The following SETBP1 variants were observed in gnomAD, a reference collection of about 807,000 sequenced individuals.
The protein encoded by SETBP1 is SET-binding protein.
A neutral mutation model predicts 101.0 loss-of-function variants in SETBP1; 9 were observed. The ratio of observed to expected loss-of-function variants is 0.09; its 90% confidence interval spans 0.05 to 0.16. The LOEUF (loss-of-function observed/expected upper bound fraction) is 0.16, where lower values mean the gene tolerates loss of function less well. SETBP1 is among the 10% of genes least tolerant of loss of function. The probability of loss-of-function intolerance (pLI) is 1.00; values close to 1 mark genes in which losing one functional copy is unlikely to be tolerated. For missense variants in SETBP1, 1,858 were observed against 2,033.8 expected (o/e 0.91, Z 1.66); for synonymous variants, 818 against 788.5 (o/e 1.04, Z -0.63).
chr18:45,042,748 C>T (rs959731950), intron 5 of SETBP1, among the ~76,000 whole-genome samples: 5 of 152,076 alleles, frequency 3.3e-5, no homozygotes, highest in Admixed American at 2.6e-4. Context: ...ATGATTATGA[C>T]ATTATTGATT....
intron 4 of SETBP1, among the ~76,000 whole-genome samples, chr18:45,024,115 C>T (rs971034577): frequency 1.3e-5 from 2 of 152,118 alleles, no homozygotes; most frequent in African/African-American, 4.8e-5. Context: ...CTTTGCTTTA[C>T]TCTCCTCCTC....
At chr18:44,792,329 T>C (rs2071387298) in intron 2 of SETBP1, among the ~76,000 whole-genome samples, 1 of 152,170 alleles carries the variant, frequency 6.6e-6, no homozygotes, top group African/African-American at 2.4e-5. Flanking sequence ...TGTCTGTGTA[T>C]GTTCCAGATG....
chr18:44,867,653 C>A (rs1384871964), intron 2 of SETBP1, among the ~76,000 whole-genome samples: 1 of 151,886 alleles, frequency 6.6e-6, no homozygotes, highest in Non-Finnish European at 1.5e-5. Flanking sequence ...TCAGAGGGGT[C>A]AAACCAGCTC....
At chr18:44,829,282 T>C (rs1355121399) in intron 2 of SETBP1, among the ~76,000 whole-genome samples, 2 of 152,218 alleles carry the variant, frequency 1.3e-5, no homozygotes, top group Non-Finnish European at 2.9e-5. Context: ...GCTCAGAACA[T>C]CGTATACATG....
At chr18:44,928,163 G>A (rs939465877) in intron 3 of SETBP1, among the ~76,000 whole-genome samples, 1 of 152,084 alleles carries the variant, frequency 6.6e-6, no homozygotes, top group Non-Finnish European at 1.5e-5. Context: ...CCCACCTATG[G>A]GGGAGAACAT....
chr18:44,981,409 T>A (rs533040578), intron 4 of SETBP1, among the ~76,000 whole-genome samples: 1 of 152,330 alleles, frequency 6.6e-6, no homozygotes, highest in South Asian at 2.1e-4. Flanking sequence ...ATGCTTACAG[T>A]CACCTTGTAT....
intron 3 of SETBP1, among the ~76,000 whole-genome samples, chr18:44,907,413 T>G (rs1489711898): frequency 6.6e-6 from 1 of 152,190 alleles, no homozygotes; most frequent in Non-Finnish European, 1.5e-5. Flanking sequence ...ACACTTAACT[T>G]TTTGAAAAAA....
At chr18:44,820,320 A>G (rs1479200423) in intron 2 of SETBP1, among the ~76,000 whole-genome samples, 1 of 152,202 alleles carries the variant, frequency 6.6e-6, no homozygotes. Context: ...CTGGGGGAGG[A>G]CACCAGAATG....
At chr18:44,909,543 G>A (rs1366271729) in intron 3 of SETBP1, among the ~76,000 whole-genome samples, 1 of 152,190 alleles carries the variant, frequency 6.6e-6, no homozygotes, top group African/African-American at 2.4e-5. Flanking sequence ...TAGGCTCAGA[G>A]TAGTCTAAAG....
chr18:44,928,799 T>C (rs2070760039), intron 3 of SETBP1, among the ~76,000 whole-genome samples: 1 of 152,244 alleles, frequency 6.6e-6, no homozygotes, highest in African/African-American at 2.4e-5. Flanking sequence ...CTTGTAAATT[T>C]GTTTAAGTTC....
At chr18:44,884,658 GA>G (rs1435324078) in intron 3 of SETBP1, among the ~76,000 whole-genome samples, 1 of 152,190 alleles carries the variant, frequency 6.6e-6, no homozygotes, top group Non-Finnish European at 1.5e-5. Flanking sequence ...TGCCATCAGG[GA>G]AATAGTTTTG....
intron 4 of SETBP1, among the ~76,000 whole-genome samples, chr18:44,992,853 G>GA (rs1484061092): frequency 1.3e-5 from 2 of 151,686 alleles, no homozygotes. Context: ...CACAGAATGA[G>GA]AAAAAAGAAA....
intron 3 of SETBP1, among the ~76,000 whole-genome samples, chr18:44,891,119 G>A (rs1410953094): frequency 6.6e-6 from 1 of 152,134 alleles, no homozygotes; most frequent in South Asian, 2.1e-4. Flanking sequence ...GATAAAGAGA[G>A]ATAGCTTGTG....
chr18:44,716,561 T>C (rs1161458215), intron 2 of SETBP1, among the ~76,000 whole-genome samples: 1 of 152,074 alleles, frequency 6.6e-6, no homozygotes, highest in Non-Finnish European at 1.5e-5. Flanking sequence ...AGTCATTCTT[T>C]TTGTTTGTTT....
At chr18:44,949,854 C>T in intron 3 of SETBP1, 27 bp from the exon 4 acceptor site, 1 of 1,548,530 alleles carries the variant, frequency 6.5e-7, no homozygotes, top group Non-Finnish European at 8.9e-7. Flanking sequence ...CTCTGTCTCT[C>T]TCCCTCTCCA....
intron 5 of SETBP1, among the ~76,000 whole-genome samples, chr18:45,050,856 A>T (rs890381161): frequency 6.6e-6 from 1 of 152,204 alleles, no homozygotes; most frequent in African/African-American, 2.4e-5. Context: ...GTTACTCAAA[A>T]ATTCTCCTCC....
chr18:44,773,093 C>T (rs1249794857), intron 2 of SETBP1, among the ~76,000 whole-genome samples: 1 of 152,186 alleles, frequency 6.6e-6, no homozygotes, highest in Admixed American at 6.5e-5. Flanking sequence ...CTTACCTTAT[C>T]TTCCTCTCCC....
At chr18:45,055,624 A>G (rs1023736643) in intron 5 of SETBP1, among the ~76,000 whole-genome samples, 1 of 152,258 alleles carries the variant, frequency 6.6e-6, no homozygotes, top group Admixed American at 6.5e-5. Context: ...TTGTTTCAAT[A>G]CTTGTTGTAG....
At chr18:44,844,072 G>A (rs535299918) in intron 2 of SETBP1, among the ~76,000 whole-genome samples, 6 of 152,218 alleles carry the variant, frequency 3.9e-5, no homozygotes, top group Admixed American at 1.3e-4. Flanking sequence ...TATGGAAAAT[G>A]GGATCTATTC....
Sources: allele counts gnomAD v4.1 joint callset (sites outside exome capture counted in the v4.1 genomes callset), GRCh38; gene constraint gnomAD v4.1.1; transcripts MANE v1.5; gene names NCBI Gene and HGNC (gene_info 2026-07-23, HGNC 2026-07-21).